CSMD1: variants seen among roughly 807,000 people sequenced by gnomAD.
CSMD1 encodes the protein CUB and sushi domain-containing protein 1.
Under a neutral mutation model 417.5 loss-of-function variants are expected in CSMD1, and 213 were observed. That is an observed-to-expected ratio of 0.51 (90% CI 0.46 to 0.57). CSMD1 has a LOEUF of 0.57. Ranked by LOEUF, CSMD1 falls within the 20% of genes least tolerant of loss-of-function variation. CSMD1 has a pLI of 0.00. For missense variants in CSMD1, 6,923 were observed against 4,529.7 expected (o/e 1.53, Z -15.17); for synonymous variants, 2,862 against 1,736.8 (o/e 1.65, Z -16.11).
intron 3 of CSMD1, among the ~76,000 whole-genome samples, chr8:4,320,576 T>A (rs534452526): frequency 2.7e-4 from 41 of 152,262 alleles, no homozygotes; most frequent in African/African-American, 8.7e-4. Flanking sequence ...TTCTCTTTGT[T>A]CAACTCCCAC....
chr8:4,511,937 A>C (rs893364914), intron 2 of CSMD1, among the ~76,000 whole-genome samples: 1 of 152,264 alleles, frequency 6.6e-6, no homozygotes, highest in Admixed American at 6.5e-5. Flanking sequence ...TCTTCCTAAC[A>C]AGATAGGCCC....
intron 27 of CSMD1, among the ~76,000 whole-genome samples, chr8:3,227,011 A>G (rs997345393): frequency 6.6e-6 from 1 of 152,190 alleles, no homozygotes; most frequent in Non-Finnish European, 1.5e-5. Flanking sequence ...GTGCCTTAAA[A>G]TCTATAAAGT....
chr8:4,581,479 G>C (rs1256112740), intron 2 of CSMD1, among the ~76,000 whole-genome samples: 4 of 152,134 alleles, frequency 2.6e-5, no homozygotes, highest in Non-Finnish European at 4.4e-5. Context: ...TTTTGAATAT[G>C]AGATAATCTT....
chr8:3,940,276 T>A (rs575866494), intron 5 of CSMD1, among the ~76,000 whole-genome samples: 1 of 152,242 alleles, frequency 6.6e-6, no homozygotes, highest in African/African-American at 2.4e-5. Flanking sequence ...TATCTATTAA[T>A]GATAGACATT....
At chr8:3,598,303 C>G (rs987804387) in intron 8 of CSMD1, 1 of 152,214 alleles carries the variant, frequency 6.6e-6, no homozygotes, top group Non-Finnish European at 1.5e-5. Flanking sequence ...CTTCCTCGCA[C>G]CTACTTTCCT....
chr8:4,808,521 C>A (rs1798714922), intron 1 of CSMD1, among the ~76,000 whole-genome samples: 1 of 152,134 alleles, frequency 6.6e-6, no homozygotes, highest in African/African-American at 2.4e-5. Context: ...TCTTGGATCC[C>A]TTGTGGTAGA....
At chr8:3,897,217 G>C (rs1807429069) in intron 5 of CSMD1, among the ~76,000 whole-genome samples, 1 of 152,182 alleles carries the variant, frequency 6.6e-6, no homozygotes, top group Non-Finnish European at 1.5e-5. Context: ...AAACAAAGGA[G>C]TGAGATGACA....
chr8:4,136,267 ACAGT>A (rs1052176269), intron 3 of CSMD1, among the ~76,000 whole-genome samples: 3 of 152,242 alleles, frequency 2.0e-5, no homozygotes, highest in Non-Finnish European at 2.9e-5. Flanking sequence ...TAACTTGAAC[ACAGT>A]CAGGAACACA....
At chr8:4,211,600 T>C (rs544927823) in intron 3 of CSMD1, among the ~76,000 whole-genome samples, 5 of 152,298 alleles carry the variant, frequency 3.3e-5, no homozygotes, top group Non-Finnish European at 4.4e-5. Context: ...GCAAAAGTCA[T>C]CTCCAAGTTG....
intron 9 of CSMD1, among the ~76,000 whole-genome samples, chr8:3,582,535 TAGTG>T (rs1337808891): frequency 6.6e-6 from 1 of 152,146 alleles, no homozygotes; most frequent in African/African-American, 2.4e-5. Flanking sequence ...TGGTTTTTCA[TAGTG>T]AGGAAGAAAA....
intron 2 of CSMD1, among the ~76,000 whole-genome samples, chr8:4,454,101 C>T (rs74448082): frequency 0.11 from 16,463 of 152,072 alleles, 1,391 homozygotes; most frequent in East Asian, 0.41. Context: ...GGATTACAGG[C>T]GTGAGCCACT....
At chr8:4,407,986 G>T (rs1387554121) in intron 3 of CSMD1, among the ~76,000 whole-genome samples, 4 of 152,030 alleles carry the variant, frequency 2.6e-5, no homozygotes, top group African/African-American at 9.7e-5. Flanking sequence ...AAAATCACAG[G>T]AGAAAACTGC....
At chr8:4,982,006 A>C (rs1810917375) in intron 1 of CSMD1, among the ~76,000 whole-genome samples, 1 of 152,234 alleles carries the variant, frequency 6.6e-6, no homozygotes, top group Admixed American at 6.5e-5. Context: ...AGCCAGCAAA[A>C]AACTTAATGC....
intron 10 of CSMD1, among the ~76,000 whole-genome samples, chr8:3,561,630 G>C (rs1458660931): frequency 2.0e-5 from 3 of 152,302 alleles, no homozygotes; most frequent in African/African-American, 7.2e-5. Flanking sequence ...AAAGTGAGGA[G>C]AGAGGCAGGA....
At chr8:4,137,278 G>C (rs765446989) in intron 3 of CSMD1, among the ~76,000 whole-genome samples, 2 of 152,118 alleles carry the variant, frequency 1.3e-5, no homozygotes, top group Non-Finnish European at 2.9e-5. Context: ...AAGAAACATG[G>C]TCTAATTTTA....
intron 3 of CSMD1, among the ~76,000 whole-genome samples, chr8:4,152,806 A>G (rs1484963362): frequency 6.6e-6 from 1 of 152,178 alleles, no homozygotes; most frequent in Non-Finnish European, 1.5e-5. Flanking sequence ...ATATACACAC[A>G]TACACGTATA....
intron 1 of CSMD1, among the ~76,000 whole-genome samples, chr8:4,941,762 C>G (rs987499984): frequency 1.3e-5 from 2 of 152,090 alleles, no homozygotes; most frequent in African/African-American, 4.8e-5. Flanking sequence ...TTATGCCCGA[C>G]TGATTTTCAA....
At chr8:3,356,890 G>T (rs1238007057) in intron 21 of CSMD1, among the ~76,000 whole-genome samples, 1 of 152,130 alleles carries the variant, frequency 6.6e-6, no homozygotes, top group African/African-American at 2.4e-5. Flanking sequence ...GCTCTGATTA[G>T]TAGGGGAAGC....
chr8:4,444,920 G>A (rs943070493), intron 2 of CSMD1, among the ~76,000 whole-genome samples: 17 of 152,078 alleles, frequency 1.1e-4, no homozygotes, highest in African/African-American at 4.1e-4. Flanking sequence ...TTACATATTT[G>A]CTCCCTTCTT....
Sources: gnomAD v4.1 joint callset for allele counts (sites outside exome capture counted in the v4.1 genomes callset) on GRCh38, gnomAD v4.1.1 for gene constraint, MANE v1.5 for transcripts, NCBI Gene and HGNC (gene_info 2026-07-23, HGNC 2026-07-21) for gene names.